FAM178B: variants seen among roughly 807,000 people sequenced by gnomAD.
The protein encoded by FAM178B is protein FAM178B.
FAM178B carries 82 observed loss-of-function variants against 91.7 expected under a neutral mutation model. That is an observed-to-expected ratio of 0.89 (90% CI 0.75 to 1.07). The LOEUF is 1.07. Ranked by LOEUF, FAM178B falls within the 50% of genes least tolerant of loss-of-function variation. The pLI, the probability that FAM178B is intolerant of heterozygous loss-of-function variation, is 0.00. For synonymous variants in FAM178B, 368 were observed against 359.4 expected, an observed-to-expected ratio of 1.02 and a Z score of -0.27; for missense variants, 769 against 846.7, an observed-to-expected ratio of 0.91 and a Z score of 1.14.
chr2:96,970,860 C>G, intron 3 of FAM178B, 83 bp from the exon 4 acceptor site: 2 of 978,392 alleles, frequency 2.0e-6, no homozygotes, highest in Non-Finnish European at 3.1e-6. Flanking sequence ...AAATTAAGCC[C>G]TTTATTTATT....
At position 96,881,308 on chromosome 2, in the gene FAM178B, C is replaced by CCTCTTTGA. The variant is rs2080377268; in HGVS notation, c.1777-2823_1777-2816dup. Among the ~76,000 whole-genome samples the CCTCTTTGA allele has an allele frequency of 9.2e-5, 14 of 151,764 alleles. No homozygotes were observed. The South Asian group carries it at 2.7e-3, about 29-fold the overall frequency. ...AAAAAAAAAGGAAGAAGCTGAGGCC[C>CCTCTTTGA]CTCTTTGAGAGGGCAATCTAATGAT... is the stretch of plus-strand genomic sequence containing the variant. On this transcript the variant is annotated intron_variant, in intron 14 of 16. Coordinates refer to ENST00000490605, the MANE Select transcript of FAM178B (RefSeq NM_001122646.3).
intron 4 of FAM178B, 81 bp downstream of exon 4, chr2:96,970,635 C>T: frequency 1.8e-6 from 2 of 1,125,438 alleles, no homozygotes; most frequent in Non-Finnish European, 2.6e-6. Context: ...TGTACTCCGA[C>T]CAGACTCTGC....
intron 1 of FAM178B, 41 bp downstream of exon 1, chr2:96,986,189 CTCTGAGCGCTA>C: frequency 7.2e-6 from 11 of 1,533,032 alleles, no homozygotes; most frequent in Non-Finnish European, 8.7e-6. Context: ...GTCGAGTGCT[CTCTGAGCGCTA>C]ACCACGCGCC....
chr2:96,937,950 C>A (rs1004231601), intron 8 of FAM178B, among the ~76,000 whole-genome samples: 1 of 152,172 alleles, frequency 6.6e-6, no homozygotes, highest in Non-Finnish European at 1.5e-5. Context: ...ATCACCTGAG[C>A]CCGAGAGGTC....
chr2:96,912,440 C>G (rs1049485668), intron 12 of FAM178B, among the ~76,000 whole-genome samples: 1 of 151,988 alleles, frequency 6.6e-6, no homozygotes, highest in Admixed American at 6.5e-5. Flanking sequence ...CCCACCAAGA[C>G]TCGAGGGCTG....
intron 6 of FAM178B, among the ~76,000 whole-genome samples, chr2:96,957,198 G>A (rs1200527355): frequency 1.3e-5 from 2 of 152,154 alleles, no homozygotes; most frequent in African/African-American, 4.8e-5. Context: ...CCATGGCCAT[G>A]TTTCTGGCTG....
At chr2:96,898,237 A>G (rs898904990) in intron 13 of FAM178B, 2 of 536,582 alleles carry the variant, frequency 3.7e-6, no homozygotes, top group African/African-American at 4.1e-5. Context: ...ACCGGGACTA[A>G]AGCCCAAGGA....
chr2:96,961,404 A>AC (rs2082080202), intron 5 of FAM178B, among the ~76,000 whole-genome samples: 1 of 151,400 alleles, frequency 6.6e-6, no homozygotes, highest in Admixed American at 6.6e-5. Context: ...TGCAACGCCC[A>AC]CCCCCAGCAT....
chr2:96,967,472 C>A (rs2082158031), intron 5 of FAM178B, 48 bp downstream of exon 5: 1 of 1,246,476 alleles, frequency 8.0e-7, no homozygotes, highest in East Asian at 2.5e-5. Context: ...GGGGTTGGCA[C>A]CTCAGTCTTT....
At chr2:96,973,854 T>A (rs1416237916) in intron 1 of FAM178B, among the ~76,000 whole-genome samples, 1 of 150,880 alleles carries the variant, frequency 6.6e-6, no homozygotes, top group African/African-American at 2.4e-5. Context: ...ACAAAAAAAA[T>A]TAGCCAGGCA....
chr2:96,959,199 G>GAAAAAAAAAAAAA (rs57498168), intron 6 of FAM178B, among the ~76,000 whole-genome samples: 14 of 82,132 alleles, frequency 1.7e-4, no homozygotes, highest in East Asian at 1.6e-3. Context: ...ACTCAGTTTT[G>GAAAAAAAAAAAAA]AAAAAAAAAA....
intron 3 of FAM178B, 75 bp from the exon 4 acceptor site, chr2:96,970,852 A>C: frequency 5.0e-6 from 5 of 1,002,554 alleles, no homozygotes; most frequent in Non-Finnish European, 6.1e-6. Context: ...AAAAAACTAA[A>C]TTAAGCCCTT....
chr2:96,900,948 A>C (rs2080915622), intron 13 of FAM178B, among the ~76,000 whole-genome samples: 1 of 152,134 alleles, frequency 6.6e-6, no homozygotes, highest in Non-Finnish European at 1.5e-5. Flanking sequence ...GAGCACCCCT[A>C]GTGTAGCTGA....
intron 1 of FAM178B, among the ~76,000 whole-genome samples, chr2:96,983,141 A>T (rs1460987660): frequency 6.6e-6 from 1 of 151,306 alleles, no homozygotes; most frequent in Non-Finnish European, 1.5e-5. Flanking sequence ...TCAGCCTCCC[A>T]AAGTGCTGGG....
At chr2:96,946,351 G>A (rs1056433608) in intron 8 of FAM178B, among the ~76,000 whole-genome samples, 10 of 152,140 alleles carry the variant, frequency 6.6e-5, no homozygotes, top group Non-Finnish European at 1.2e-4. Context: ...TAGCTATTGT[G>A]AACAATGCTG....
At position 96,876,104 on chromosome 2, in the gene FAM178B, G is replaced by T; in HGVS notation, c.*172C>A. ...GGGGGTCGGGGCGGTGGCAGAGGCA[G>T]GCTCTTGCAGAGAGGAGAGGGGTCG... On this transcript the variant is annotated 3_prime_UTR_variant, in exon 17 of 17. Transcript: ENST00000490605. The T allele has an allele frequency of 3.1e-6, 2 of 644,566 alleles. No homozygotes were observed. The highest frequency in any genetic ancestry group is 2.7e-6 in the Non-Finnish European group (1 of 376,386). 39.9% of individuals were successfully genotyped at this position (644,566 alleles called of 1,614,324 possible). A position where few individuals can be genotyped will look rare whatever the true frequency, so the allele number is the denominator to read the frequency against.
rs12612567 is a variant in FAM178B, at chr2:96,962,929, G to A, written c.735-2489C>T. Among the ~76,000 whole-genome samples, 535 of 152,298 alleles carry A rather than the reference G, an allele frequency of 3.5e-3. 3 individuals are homozygous for A. The highest frequency in any genetic ancestry group is 0.025 in the East Asian group (131 of 5,180). On this transcript the variant is annotated intron_variant, in intron 5 of 16. Transcript: ENST00000490605. ...GGCCCTATTCAGGGATGAAGAGGCT[G>A]CTGGCTTTGTACACTGGTGAATGAC...
chr2:96,955,154 T>C (rs1029955987), intron 6 of FAM178B, among the ~76,000 whole-genome samples: 2 of 150,606 alleles, frequency 1.3e-5, no homozygotes, highest in Admixed American at 6.6e-5. Context: ...TCACCTGAGG[T>C]TAGAAGTTCA....
At chr2:96,964,823 T>A (rs570241146) in intron 5 of FAM178B, among the ~76,000 whole-genome samples, 1 of 152,126 alleles carries the variant, frequency 6.6e-6, no homozygotes, top group African/African-American at 2.4e-5. Flanking sequence ...AAATCATACG[T>A]CAATCATTCC....
Sources: allele counts gnomAD v4.1 joint callset (sites outside exome capture counted in the v4.1 genomes callset), GRCh38; gene constraint gnomAD v4.1.1; transcripts MANE v1.5; gene names NCBI Gene and HGNC (gene_info 2026-07-23, HGNC 2026-07-21).